Variants in ZNF618 observed in about 807,000 individuals in gnomAD.
ZNF618 encodes neural precursor cell expressed, developmentally down-regulated 10.
A neutral mutation model predicts 103.0 loss-of-function variants in ZNF618; 34 were observed. The ratio of observed to expected loss-of-function variants is 0.33; its 90% CI spans 0.25 to 0.44. The LOEUF (loss-of-function observed/expected upper bound fraction) is 0.44. ZNF618 is among the 20% of genes least tolerant of loss of function. The pLI is 1.00. For synonymous variants in ZNF618, 551 were observed against 542.2 expected (o/e 1.02, Z -0.23); for missense variants, 1,059 against 1,295.4 (o/e 0.82, Z 2.80).
At chr9:113,953,754 T>C (rs1835986961) in intron 1 of ZNF618, among the ~76,000 whole-genome samples, 1 of 152,190 alleles carries the variant, frequency 6.6e-6, no homozygotes, top group African/African-American at 2.4e-5. Flanking sequence ...CATCTTCCCC[T>C]TTAAGGATGC....
chr9:114,028,632 A>C, intron 10 of ZNF618, 101 bp from the exon 11 acceptor site: 1 of 1,415,080 alleles, frequency 7.1e-7, no homozygotes, highest in Non-Finnish European at 9.3e-7. Context: ...GAGGTTGGAC[A>C]GAGACAGTCC....
chr9:114,016,824 C>A, intron 10 of ZNF618, 40 bp downstream of exon 10: 1 of 1,551,482 alleles, frequency 6.4e-7, no homozygotes, highest in Non-Finnish European at 8.8e-7. Flanking sequence ...GTTGGGGGAC[C>A]CGGGACAGGG....
At chr9:113,940,595 A>G (rs1351454801) in intron 1 of ZNF618, among the ~76,000 whole-genome samples, 2 of 149,558 alleles carry the variant, frequency 1.3e-5, no homozygotes, top group African/African-American at 4.9e-5. Flanking sequence ...GTGGTTCTTG[A>G]TAATTATTTT....
intron 9 of ZNF618, among the ~76,000 whole-genome samples, chr9:114,015,729 T>C (rs10759677): frequency 0.39 from 59,697 of 152,202 alleles, 12,846 homozygotes; most frequent in African/African-American, 0.57. Context: ...GGAAAAAATT[T>C]TGAAACAATT....
chr9:113,883,627 T>C (rs1828734414), intron 1 of ZNF618, among the ~76,000 whole-genome samples: 1 of 152,242 alleles, frequency 6.6e-6, no homozygotes, highest in African/African-American at 2.4e-5. Context: ...AACAGAACCT[T>C]CTGTTTCTTG....
At chr9:113,899,913 A>G (rs749151352) in intron 1 of ZNF618, among the ~76,000 whole-genome samples, 3 of 152,130 alleles carry the variant, frequency 2.0e-5, no homozygotes, top group Admixed American at 6.5e-5. Context: ...TTTGGCTGTT[A>G]TGAATGATGT....
intron 1 of ZNF618, among the ~76,000 whole-genome samples, chr9:113,927,545 G>A (rs1833214783): frequency 1.3e-5 from 2 of 152,208 alleles, no homozygotes; most frequent in Admixed American, 6.5e-5. Context: ...CCCCTGTGTC[G>A]TGACCTTTAC....
chr9:114,041,912 C>T (rs1268915383), intron 13 of ZNF618, among the ~76,000 whole-genome samples: 1 of 152,202 alleles, frequency 6.6e-6, no homozygotes, highest in Non-Finnish European at 1.5e-5. Context: ...CTATAAATTA[C>T]TTTGGGCAGT....
chr9:113,962,540 A>G (rs1203523338), intron 1 of ZNF618, among the ~76,000 whole-genome samples: 2 of 152,004 alleles, frequency 1.3e-5, no homozygotes, highest in Non-Finnish European at 2.9e-5. Flanking sequence ...ACCTCCCATG[A>G]TCTCTCCTCC....
Position 114,049,904 on chromosome 9 carries a change from C to T in ZNF618, c.2602C>T (p.Arg868Trp), listed in dbSNP as rs375377320. 120 of 1,613,902 alleles carry T rather than the reference C, an allele frequency of 7.4e-5. No homozygotes were observed. The highest frequency in any genetic ancestry group is 3.3e-5 in the Admixed American group (2 of 60,032). Residue 868 changes from arginine to tryptophan, a missense_variant, in exon 15 of 15, where the codon CGG (arginine) becomes TGG (tryptophan). By Grantham distance (101) the Arg-to-Trp change is moderately radical (BLOSUM62 -3). Around this residue, in one of 6 missense-constraint regions of ZNF618, gnomAD observed 156 missense variants for 197.1 expected, o/e 0.79. Coordinates refer to ENST00000374126, the MANE Select transcript of ZNF618 (RefSeq NM_001318042.2). The stretch of plus-strand genomic sequence containing the variant: ...GAACCCCGCAGCTCAGGAAGATGAT[C>T]GGCTAGGCAAAAATGAAGTGTACGA... ...VENPAAQEDDRLGKNEVYDYL... is the reference protein window; with the variant it reads ...VENPAAQEDDWLGKNEVYDYL...
chr9:114,023,264 C>G (rs1353672728), intron 10 of ZNF618, among the ~76,000 whole-genome samples: 1 of 151,974 alleles, frequency 6.6e-6, no homozygotes, highest in African/African-American at 2.4e-5. Context: ...TGCCTCTTAG[C>G]TTTCTAGCCA....
intron 1 of ZNF618, among the ~76,000 whole-genome samples, chr9:113,951,471 G>T (rs369932902): frequency 3.7e-5 from 1 of 27,122 alleles, no homozygotes. Context: ...ATATATGTGT[G>T]TATGTGTACA....
At chr9:114,007,038 C>T (rs2133780705) in intron 6 of ZNF618, among the ~76,000 whole-genome samples, 1 of 152,274 alleles carries the variant, frequency 6.6e-6, no homozygotes, top group South Asian at 2.1e-4. Flanking sequence ...GCATTCTGTT[C>T]ATTAGAAGTC....
Position 114,001,917 on chromosome 9 carries a change from T to C in ZNF618, c.434-79T>C, listed in dbSNP as rs186871714. 132 of 1,227,866 alleles carry C rather than the reference T, an allele frequency of 1.1e-4. 1 individual carries two copies. In the African/African-American group the frequency reaches 1.7e-3, roughly 15 times the overall value. The allele number at this position is 1,227,866 out of a possible 1,614,324, so 76.1% of individuals were successfully genotyped here. On this transcript the variant is annotated intron_variant, in intron 4 of 14. Coordinates refer to ENST00000374126, the MANE Select transcript of ZNF618 (RefSeq NM_001318042.2). ...CCTGGGACAGAGAGTTAGCCACACT[T>C]GTAGGCATCGCCTGTGGGTCCTGGG... is the stretch of plus-strand genomic sequence containing the variant.
chr9:113,945,183 C>T (rs1834905029), intron 1 of ZNF618, among the ~76,000 whole-genome samples: 1 of 152,210 alleles, frequency 6.6e-6, no homozygotes, highest in Non-Finnish European at 1.5e-5. Flanking sequence ...AGCCCTCACA[C>T]ATGCTGTTCC....
chr9:114,016,214 C>G, intron 9 of ZNF618: 1 of 1,583,642 alleles, frequency 6.3e-7, no homozygotes, highest in South Asian at 1.1e-5. Flanking sequence ...AAGAAGTGAC[C>G]CCTGCTGCTA....
intron 1 of ZNF618, among the ~76,000 whole-genome samples, chr9:113,922,621 A>G (rs1452946180): frequency 1.3e-5 from 2 of 151,186 alleles, no homozygotes; most frequent in African/African-American, 4.9e-5. Flanking sequence ...TGGGCTTTCT[A>G]TTCTGCTTAT....
chr9:113,965,712 T>C (rs2132690985), intron 1 of ZNF618, among the ~76,000 whole-genome samples: 1 of 152,266 alleles, frequency 6.6e-6, no homozygotes, highest in Middle Eastern at 3.4e-3. Context: ...AGGAACGAGC[T>C]TGTCTGAGGT....
Position 114,008,558 on chromosome 9 carries a change from T to C in ZNF618, c.754+4T>C. The C allele has an allele frequency of 6.2e-7, 1 of 1,613,760 alleles. No individual in the cohort carries two copies. The highest frequency in any genetic ancestry group is 8.5e-7 in the Non-Finnish European group (1 of 1,179,828). On this transcript the variant is annotated splice_donor_region_variant and intron_variant, in intron 9 of 14. Transcript: ENST00000374126. The stretch of plus-strand genomic sequence containing the variant: ...CCATTCCAGAAAATCGGGCCAAGTA[T>C]GCGGGATTCCCTCTGGGGCCAAGGG...
Sources: allele counts gnomAD v4.1 joint callset (sites outside exome capture counted in the v4.1 genomes callset), GRCh38; gene constraint gnomAD v4.1.1; regional missense constraint gnomAD v4.1.1; transcripts MANE v1.5; gene names NCBI Gene and HGNC (gene_info 2026-07-23, HGNC 2026-07-21).